The following TRIM72 variants were observed in gnomAD, a reference collection of about 807,000 sequenced individuals.
The protein encoded by TRIM72 is tripartite motif-containing protein 72.
TRIM72 carries 33 observed loss-of-function variants against 31.6 expected under a neutral mutation model. The observed-to-expected ratio is 1.04, with a 90% CI of 0.79 to 1.40. TRIM72 has a LOEUF of 1.40. TRIM72 is among the 40% of genes most tolerant of loss of function. The probability of loss-of-function intolerance (pLI) is 0.00; values close to 1 mark genes in which losing one functional copy is unlikely to be tolerated. For synonymous variants in TRIM72, 301 were observed against 314.4 expected (o/e 0.96, Z 0.45); for missense variants, 666 against 682.7 (o/e 0.98, Z 0.27).
chr16:31,223,075 C>G (rs1258004438), intron 6 of TRIM72, 130 bp downstream of exon 6: 2 of 717,696 alleles, frequency 2.8e-6, no homozygotes, highest in African/African-American at 3.8e-5. Context: ...CCCTTTGCCT[C>G]TGGACTGCCG....
chr16:31,221,061 A>G, intron 5 of TRIM72, 143 bp downstream of exon 5: 1 of 1,094,180 alleles, frequency 9.1e-7, no homozygotes, highest in Non-Finnish European at 1.4e-6. Flanking sequence ...ACAAGGTTGT[A>G]GACAGAAATG....
chr16:31,220,069 T>A (rs1022493070), intron 4 of TRIM72, among the ~76,000 whole-genome samples: 1 of 149,238 alleles, frequency 6.7e-6, no homozygotes. Flanking sequence ...GGTCTTTTTT[T>A]TAAAGGCAGG....
rs767985630 is a variant in TRIM72 at position 31,224,579 on chromosome 16, G to C, written c.1258G>C (p.Gly420Arg). Residue 420 changes from glycine to arginine, a missense_variant, in exon 7 of 7, where the codon GGC (glycine) becomes CGC (arginine). By Grantham distance (125) the Gly-to-Arg change is moderately radical. Coordinates refer to ENST00000322122, the MANE Select transcript of TRIM72 (RefSeq NM_001008274.4). ...PTRIGLYLSFGDGVLSFYDAS... is the reference protein window; with the variant it reads ...PTRIGLYLSFRDGVLSFYDAS... Reference sequence around the variant, plus strand: ...GCGCATTGGCCTTTACCTGAGCTTCGGCGACGGCGTCCTCTCCTTCTACGA... The same window carrying C: ...GCGCATTGGCCTTTACCTGAGCTTCCGCGACGGCGTCCTCTCCTTCTACGA... 2.0e-5 allele frequency: 31 copies of C among 1,552,546 alleles called. 1 individual carries two copies. The South Asian group carries it at 3.5e-4, about 18-fold the overall frequency.
At position 31,224,861 on chromosome 16, in the gene TRIM72, G is replaced by A; in HGVS notation, c.*106G>A. The A allele has an allele frequency of 1.7e-6, 2 of 1,184,578 alleles. No homozygotes were observed. The highest frequency in any genetic ancestry group is 1.8e-5 in the South Asian group (1 of 56,992). The allele number at this position is 1,184,578 out of a possible 1,614,324, so 73.4% of individuals were successfully genotyped here. A position where few individuals can be genotyped will look rare whatever the true frequency, so the allele number is the denominator to read the frequency against. ...TGGGGAGCGGGTTGCCAGGGCCCAG[G>A]GGGCTGGGAACTGGGGGATCTCCCA... On this transcript the variant is annotated 3_prime_UTR_variant, in exon 7 of 7. Coordinates refer to ENST00000322122, the MANE Select transcript of TRIM72 (RefSeq NM_001008274.4).
In TRIM72 at chr16:31,225,585, TA is replaced by T. The variant is rs2079552653; in HGVS notation, c.*832del. 6.6e-6 allele frequency: 1 copy of T among 151,768 alleles called. No individual in the cohort carries two copies. Among genetic ancestry groups the T allele is most frequent in the African/African-American group, 2.4e-5 (1 of 41,336 alleles). 9.4% of individuals were successfully genotyped at this position (151,768 alleles called of 1,614,324 possible). ...CATGACTTGTTAAAGCATAGGGTGC[TA>T]AGTTTCTGATTTAGTAGGTTGGACA... On this transcript the variant is annotated 3_prime_UTR_variant, in exon 7 of 7. Transcript: ENST00000322122.
Position 31,222,807 on chromosome 16 carries a change from C to T in TRIM72, c.741-20C>T, listed in dbSNP as rs760824741. 5 of 819,512 alleles carry T rather than the reference C, an allele frequency of 6.1e-6. No homozygotes were observed. The Admixed American group carries it at 1.2e-4, about 20-fold the overall frequency. 50.8% of individuals were successfully genotyped at this position (819,512 alleles called of 1,614,324 possible). A position where few individuals can be genotyped will look rare whatever the true frequency, so the allele number is the denominator to read the frequency against. ...TCCTCCCCCCTCACACATGCCTCCC[C>T]TTCCCCTCCCCACCCCCAGGCTGCA... is the stretch of plus-strand genomic sequence containing the variant. On this transcript the variant is annotated intron_variant, in intron 5 of 6. Coordinates refer to ENST00000322122, the MANE Select transcript of TRIM72 (RefSeq NM_001008274.4).
At chr16:31,223,057 C>T in intron 6 of TRIM72, 112 bp downstream of exon 6, 1 of 789,366 alleles carries the variant, frequency 1.3e-6, no homozygotes. Context: ...GAAGGAGGTA[C>T]CCATTGCCCC....
At chr16:31,220,456 GTTTTTTTT>G (rs71151452) in intron 4 of TRIM72, among the ~76,000 whole-genome samples, 9 of 29,582 alleles carry the variant, frequency 3.0e-4, no homozygotes, top group South Asian at 1.1e-3. Flanking sequence ...TCTCTTTTGC[GTTTTTTTT>G]TTTTTTTTTT....
chr16:31,222,780 T>TGGG, intron 5 of TRIM72, 47 bp from the exon 6 acceptor site: 1 of 548,198 alleles, frequency 1.8e-6, no homozygotes, highest in Non-Finnish European at 3.1e-6. Context: ...CCCCAGCCCT[T>TGGG]GTCCTCCCCC....
At position 31,220,793 on chromosome 16, in the gene TRIM72, T is replaced by C. The variant is rs927269893; in HGVS notation, c.718-103T>C. 7.6e-6 allele frequency: 11 copies of C among 1,456,582 alleles called. No homozygotes were observed. In the South Asian group the frequency reaches 1.3e-4, roughly 17 times the overall value. The allele number at this position is 1,456,582 out of a possible 1,614,324, so 90.2% of individuals were successfully genotyped here. ...GCCTCTTTTAGCTTTTCTGATTCTT[T>C]CTGACGTTGCACTCAGCATTCCTAG... On this transcript the variant is annotated intron_variant, in intron 4 of 6. Transcript: ENST00000322122.
At chr16:31,214,659 C>T in intron 1 of TRIM72, 73 bp from the exon 2 acceptor site, 1 of 1,386,352 alleles carries the variant, frequency 7.2e-7, no homozygotes, top group Non-Finnish European at 9.3e-7. Flanking sequence ...CCGGCCTGGG[C>T]TAGGGCTGGG....
chr16:31,219,119 C>A lies in TRIM72; in HGVS notation c.415C>A (p.Gln139Lys), dbSNP rs769061768. ...GACACAGCTGCCACAGCAGAAACTG[C>A]AGCTGCAGGAGGCATGCATGCGCAA... ...LKTQLPQQKL[Q>K]LQEACMRKEK... The change falls in exon 3 of 7, where the codon CAG (glutamine) becomes AAG (lysine). Residue 139 changes from glutamine (Q) to lysine (K), a missense_variant. Coordinates refer to ENST00000322122, the MANE Select transcript of TRIM72 (RefSeq NM_001008274.4). This position sits in a 1 kb window ranked among gnomAD's most constrained non-coding sequence, Gnocchi z 4.2. 1 of 1,587,530 alleles carries A rather than the reference C, an allele frequency of 6.3e-7. No individual in the cohort carries two copies. The highest frequency in any genetic ancestry group is 1.1e-5 in the South Asian group (1 of 88,028).
rs2079553688 is a variant in TRIM72 at position 31,225,807 on chromosome 16, C to A, written c.*1052C>A. On this transcript the variant is annotated 3_prime_UTR_variant, in exon 7 of 7. Coordinates refer to ENST00000322122, the MANE Select transcript of TRIM72 (RefSeq NM_001008274.4). ...AGCTGGGACTACAGACGCCCGCCAC[C>A]ACACCTGGCTATTTATTTTTATTTT... The A allele has an allele frequency of 6.6e-6, 1 of 151,402 alleles. No homozygotes were observed. Among genetic ancestry groups the A allele is most frequent in the South Asian group, 2.1e-4 (1 of 4,788 alleles). The allele number at this position is 151,402 out of a possible 1,614,324, so 9.4% of individuals were successfully genotyped here. A position where few individuals can be genotyped will look rare whatever the true frequency, so the allele number is the denominator to read the frequency against.
Position 31,219,409 on chromosome 16 carries a change from G to T in TRIM72, c.607G>T (p.Val203Phe), listed in dbSNP as rs776598239. 2.5e-6 allele frequency: 4 copies of T among 1,613,806 alleles called. No homozygotes were observed. Among genetic ancestry groups the T allele is most frequent in the Non-Finnish European group, 2.5e-6 (3 of 1,179,850 alleles). ...AGAGCGTGTACGGGGTGAGGCAGGGGTCGCCTTGCGCCGGGAGCTGGGGAG... is the reference window on the plus strand; with the variant it reads ...AGAGCGTGTACGGGGTGAGGCAGGGTTCGCCTTGCGCCGGGAGCTGGGGAG... Reference protein sequence around the residue: ...EAERVRGEAGVALRRELGSLN... With the variant: ...EAERVRGEAGFALRRELGSLN... Residue 203 changes from valine to phenylalanine, a missense_variant, in exon 4 of 7, where the codon GTC becomes TTC. Val to Phe is a conservative substitution (Grantham distance 50). Coordinates refer to ENST00000322122, the MANE Select transcript of TRIM72 (RefSeq NM_001008274.4). The surrounding 1 kb of genome is among the most constrained non-coding windows in gnomAD (Gnocchi z 4.2).
chr16:31,227,968 G>A lies in TRIM72; in HGVS notation c.*3213G>A, dbSNP rs2144203802. 6.6e-6 allele frequency: 1 copy of A among 150,864 alleles called. No individual in the cohort carries two copies. Among genetic ancestry groups the A allele is most frequent in the East Asian group, 2.0e-4 (1 of 5,044 alleles). The allele number at this position is 150,864 out of a possible 1,614,324, so 9.3% of individuals were successfully genotyped here. ...ATCTTTTATTTTATTATTATTTTTT[G>A]AGATGGAGTCTCACCGTGTCACCCA... On this transcript the variant is annotated 3_prime_UTR_variant, in exon 7 of 7. Coordinates refer to ENST00000322122, the MANE Select transcript of TRIM72 (RefSeq NM_001008274.4).
Position 31,224,170 on chromosome 16 carries a change from C to G in TRIM72, c.860-11C>G. On this transcript the variant is annotated splice_polypyrimidine_tract_variant and intron_variant, in intron 6 of 6. Coordinates refer to ENST00000322122, the MANE Select transcript of TRIM72 (RefSeq NM_001008274.4). ...AAACCTAGGGTTTTCTGACCGTGTT[C>G]TCTCTGGCAGCGCTGGAGGAGCTGA... 2 of 1,600,462 alleles carry G rather than the reference C, an allele frequency of 1.2e-6. No individual in the cohort carries two copies. Among genetic ancestry groups the G allele is most frequent in the Non-Finnish European group, 1.7e-6 (2 of 1,179,562 alleles).
rs2079503164 is a variant in TRIM72 at position 31,215,375 on chromosome 16, C to T, written c.390+247C>T. Among the ~76,000 whole-genome samples, 1 of 152,208 alleles carries T rather than the reference C, an allele frequency of 6.6e-6. No homozygotes were observed. The highest frequency in any genetic ancestry group is 6.5e-5 in the Admixed American group (1 of 15,284). Reference sequence around the variant, plus strand: ...GGGCGCTGAGCAAACGTAGGTTTCCCGGCCTTAGTCCCTAGAGGAAACTGG... The same window carrying T: ...GGGCGCTGAGCAAACGTAGGTTTCCTGGCCTTAGTCCCTAGAGGAAACTGG... On this transcript the variant is annotated intron_variant, in intron 2 of 6. Coordinates refer to ENST00000322122, the MANE Select transcript of TRIM72 (RefSeq NM_001008274.4). This position sits in a 1 kb window ranked among gnomAD's most constrained non-coding sequence, Gnocchi z 6.3.
At position 31,216,381 on chromosome 16, in the gene TRIM72, A is replaced by C; in HGVS notation, c.390+1253A>C. 4.9e-6 allele frequency: 1 copy of C among 204,050 alleles called. No homozygotes were observed. Among genetic ancestry groups the C allele is most frequent in the Non-Finnish European group, 9.9e-6 (1 of 101,212 alleles). 12.6% of individuals were successfully genotyped at this position (204,050 alleles called of 1,614,324 possible). A position where few individuals can be genotyped will look rare whatever the true frequency, so the allele number is the denominator to read the frequency against. ...CTCGGATCCCCTTCCATGCTGTGGA[A>C]GCTTTGTTCTTTTGCTCTTTGCAAT... On this transcript the variant is annotated intron_variant, in intron 2 of 6. Coordinates refer to ENST00000322122, the MANE Select transcript of TRIM72 (RefSeq NM_001008274.4). The surrounding 1 kb of genome is among the most constrained non-coding windows in gnomAD (Gnocchi z 6.7).
At position 31,228,441 on chromosome 16, in the gene TRIM72, C is replaced by T. The variant is rs1427225313; in HGVS notation, c.*3686C>T. 2.6e-5 allele frequency: 4 copies of T among 152,226 alleles called. No individual in the cohort carries two copies. The highest frequency in any genetic ancestry group is 4.4e-5 in the Non-Finnish European group (3 of 68,122). The allele number at this position is 152,226 out of a possible 1,614,324, so 9.4% of individuals were successfully genotyped here. On this transcript the variant is annotated 3_prime_UTR_variant, in exon 7 of 7. Coordinates refer to ENST00000322122, the MANE Select transcript of TRIM72 (RefSeq NM_001008274.4). ...CCACAGTGAGGGAGGGACCTGTGGT[C>T]TCCTGTGTTGCTCCTCACCCTGTAG... is the stretch of plus-strand genomic sequence containing the variant.
Sources: gnomAD v4.1 joint callset for allele counts (sites outside exome capture counted in the v4.1 genomes callset) on GRCh38, gnomAD v4.1.1 for gene constraint, Gnocchi (gnomAD v3.1) non-coding constraint, MANE v1.5 for transcripts, NCBI Gene and HGNC (gene_info 2026-07-23, HGNC 2026-07-21) for gene names.